The following TMTC1 variants were observed in gnomAD, a reference collection of about 807,000 sequenced individuals.
TMTC1 encodes the protein protein O-mannosyl-transferase TMTC1.
A neutral mutation model predicts 104.8 loss-of-function variants in TMTC1; 73 were observed. The ratio of observed to expected loss-of-function variants is 0.70; its 90% CI spans 0.58 to 0.85. The LOEUF (loss-of-function observed/expected upper bound fraction) is 0.85. TMTC1 is among the 40% of genes least tolerant of loss of function. The pLI is 0.00. For synonymous variants in TMTC1, 434 were observed against 428.7 expected (o/e 1.01, Z -0.15); for missense variants, 1,035 against 1,096.1 (o/e 0.94, Z 0.79).
chr12:29,514,835 A>G (rs1943939713), intron 15 of TMTC1, among the ~76,000 whole-genome samples: 1 of 152,084 alleles, frequency 6.6e-6, no homozygotes, highest in South Asian at 2.1e-4. Context: ...CAACATGGTG[A>G]AACCCTGTCT....
chr12:29,595,831 G>A (rs961433182), intron 7 of TMTC1, among the ~76,000 whole-genome samples: 42 of 152,172 alleles, frequency 2.8e-4, no homozygotes, highest in African/African-American at 1.0e-3. Context: ...GTCCCACTGA[G>A]GACTGAAGAC....
intron 5 of TMTC1, among the ~76,000 whole-genome samples, chr12:29,637,554 G>A (rs959287168): frequency 3.3e-5 from 5 of 152,250 alleles, no homozygotes; most frequent in East Asian, 1.9e-4. Context: ...TTTCATGGCC[G>A]AAAAACATGA....
intron 9 of TMTC1, among the ~76,000 whole-genome samples, chr12:29,566,403 C>T (rs374193208): frequency 2.0e-5 from 3 of 152,072 alleles, no homozygotes; most frequent in African/African-American, 4.8e-5. Flanking sequence ...CCACTTTCCC[C>T]GTAAGTGAGG....
intron 5 of TMTC1, among the ~76,000 whole-genome samples, chr12:29,724,560 A>G (rs2136894139): frequency 1.3e-5 from 2 of 152,336 alleles, no homozygotes; most frequent in Admixed American, 1.3e-4. Context: ...ACAGCATTAC[A>G]TAGAGTATTA....
At chr12:29,633,947 G>C (rs1938425942) in intron 5 of TMTC1, among the ~76,000 whole-genome samples, 1 of 152,114 alleles carries the variant, frequency 6.6e-6, no homozygotes, top group Admixed American at 6.5e-5. Context: ...CTCACTTTGG[G>C]GGTAGAGAAA....
chr12:29,597,190 G>A (rs1946427157), intron 7 of TMTC1, among the ~76,000 whole-genome samples: 1 of 149,672 alleles, frequency 6.7e-6, no homozygotes, highest in African/African-American at 2.5e-5. Context: ...TTGTCCATGT[G>A]AACTTTTTTT....
intron 5 of TMTC1, among the ~76,000 whole-genome samples, chr12:29,711,523 G>A (rs1264726782): frequency 6.6e-6 from 1 of 152,094 alleles, no homozygotes; most frequent in African/African-American, 2.4e-5. Flanking sequence ...GGTGTCATTG[G>A]TTAAACTCAG....
At chr12:29,644,167 A>C (rs1383273288) in intron 5 of TMTC1, among the ~76,000 whole-genome samples, 1 of 139,772 alleles carries the variant, frequency 7.2e-6, no homozygotes, top group Non-Finnish European at 1.5e-5. Flanking sequence ...ATATATAATG[A>C]AATACTAAAC....
chr12:29,517,061 T>C (rs1811349441), intron 14 of TMTC1, among the ~76,000 whole-genome samples: 2 of 152,156 alleles, frequency 1.3e-5, no homozygotes, highest in African/African-American at 4.8e-5. Context: ...AATAGGTATA[T>C]ACAAACATAC....
At chr12:29,510,949 C>A (rs79405302) in intron 17 of TMTC1, among the ~76,000 whole-genome samples, 246 of 152,270 alleles carry the variant, frequency 1.6e-3, no homozygotes, top group Non-Finnish European at 2.7e-3. Context: ...TCTCTCCTTG[C>A]CACGCTGCCT....
At chr12:29,517,904 G>A (rs1944037505) in intron 13 of TMTC1, among the ~76,000 whole-genome samples, 1 of 152,058 alleles carries the variant, frequency 6.6e-6, no homozygotes, top group South Asian at 2.1e-4. Flanking sequence ...TAGTAGAGAC[G>A]AGGTTTCACC....
At chr12:29,774,301 G>T (rs1483430378) in intron 1 of TMTC1, among the ~76,000 whole-genome samples, 1 of 152,138 alleles carries the variant, frequency 6.6e-6, no homozygotes, top group Non-Finnish European at 1.5e-5. Context: ...CAACCCAGGT[G>T]ATTCAAAGTC....
At chr12:29,610,208 C>T (rs1421854168) in intron 6 of TMTC1, among the ~76,000 whole-genome samples, 2 of 152,276 alleles carry the variant, frequency 1.3e-5, no homozygotes, top group Admixed American at 6.5e-5. Context: ...AAAAAAGGAT[C>T]GGAGCTCGGG....
chr12:29,673,974 G>A (rs1274494288), intron 5 of TMTC1, among the ~76,000 whole-genome samples: 3 of 151,798 alleles, frequency 2.0e-5, no homozygotes, highest in African/African-American at 7.3e-5. Flanking sequence ...GGTCAGGCTG[G>A]TCTCGAACTC....
At chr12:29,757,966 AC>A (rs2136991642) in intron 3 of TMTC1, among the ~76,000 whole-genome samples, 1 of 152,310 alleles carries the variant, frequency 6.6e-6, no homozygotes, top group Non-Finnish European at 1.5e-5. Flanking sequence ...TGTGGGAGTT[AC>A]AATTCAAGAT....
rs140571845 is a variant in TMTC1 at position 29,730,954 on chromosome 12, G to A, written c.938+20712C>T. Among the ~76,000 whole-genome samples the A allele has an allele frequency of 2.6e-3, 391 of 152,250 alleles. 7 individuals are homozygous for A. The highest frequency in any genetic ancestry group is 0.023 in the Admixed American group (350 of 15,296). On this transcript the variant is annotated intron_variant, in intron 5 of 17. Transcript: ENST00000539277. ...AAGTCACAGCAGGTTCCCTTGCAAG[G>A]ATCATTCCATTAACAAGAAATTGAA...
chr12:29,782,294 G>A (rs1392500194), intron 1 of TMTC1, among the ~76,000 whole-genome samples: 3 of 152,180 alleles, frequency 2.0e-5, no homozygotes, highest in Non-Finnish European at 4.4e-5. Flanking sequence ...AGTGGAAGAC[G>A]TAAGTCAAAA....
chr12:29,603,216 A>G (rs1187572562), intron 7 of TMTC1, among the ~76,000 whole-genome samples: 2 of 152,146 alleles, frequency 1.3e-5, no homozygotes, highest in African/African-American at 4.8e-5. Flanking sequence ...AGTGTTAAGA[A>G]AGCTATTAGG....
intron 7 of TMTC1, among the ~76,000 whole-genome samples, chr12:29,600,446 C>G (rs1347386162): frequency 6.6e-6 from 1 of 152,128 alleles, no homozygotes; most frequent in African/African-American, 2.4e-5. Context: ...TTTCCTTACC[C>G]AGACTTTAAT....
Sources: gnomAD v4.1 joint callset for allele counts (sites outside exome capture counted in the v4.1 genomes callset) on GRCh38, gnomAD v4.1.1 for gene constraint, MANE v1.5 for transcripts, NCBI Gene and HGNC (gene_info 2026-07-23, HGNC 2026-07-21) for gene names.